Variants in ARID5B observed in about 807,000 individuals in gnomAD.
ARID5B encodes AT-rich interaction domain 5B.
A neutral mutation model predicts 97.2 loss-of-function variants in ARID5B; 13 were observed. The observed-to-expected ratio is 0.13, with a 90% CI of 0.09 to 0.21. ARID5B has a LOEUF of 0.21. ARID5B is among the 10% of genes least tolerant of loss of function. ARID5B has a pLI of 1.00. For missense variants in ARID5B, 1,210 were observed against 1,465.3 expected, an observed-to-expected ratio of 0.83 and a Z score of 2.84; for synonymous variants, 556 against 570.3, an observed-to-expected ratio of 0.97 and a Z score of 0.36.
chr10:62,050,046 A>G (rs888787139), intron 4 of ARID5B, among the ~76,000 whole-genome samples: 1 of 152,180 alleles, frequency 6.6e-6, no homozygotes, highest in South Asian at 2.1e-4. Flanking sequence ...CATAGCTCTC[A>G]ATAAACAGCA....
rs115770259 is a variant in ARID5B at position 61,999,351 on chromosome 10, G to A, written c.503-740G>A. ...AATTGTAAGCTGAAAATATCAAGTC[G>A]AAAAGGCATTGAATACACCTAACCT... On this transcript the variant is annotated intron_variant, in intron 3 of 9. Coordinates refer to ENST00000279873, the MANE Select transcript of ARID5B (RefSeq NM_032199.3). 6.1e-4 allele frequency among the ~76,000 whole-genome samples: 93 copies of A among 152,282 alleles called. 1 individual carries two copies. The highest frequency in any genetic ancestry group is 9.0e-4 in the Non-Finnish European group (61 of 68,022).
chr10:62,014,926 G>T (rs2132883937), intron 4 of ARID5B, among the ~76,000 whole-genome samples: 1 of 152,250 alleles, frequency 6.6e-6, no homozygotes, highest in African/African-American at 2.4e-5. Flanking sequence ...TGGACTGGGT[G>T]ATCTTTAAGA....
chr10:61,908,799 C>CAAAAAAAAA (rs369792859), intron 2 of ARID5B, among the ~76,000 whole-genome samples: 7 of 50,966 alleles, frequency 1.4e-4, no homozygotes, highest in East Asian at 1.3e-3. Flanking sequence ...GACTCCATCT[C>CAAAAAAAAA]AAAAAAAAAA....
chr10:62,049,174 T>A, intron 4 of ARID5B: 2 of 1,258,372 alleles, frequency 1.6e-6, no homozygotes, highest in South Asian at 4.2e-5. Context: ...ACAGGCCGGA[T>A]GAAATCACCA....
Position 62,092,271 on chromosome 10 carries a change from C to T in ARID5B, c.2808C>T (p.Gly936=). Residue 936 remains glycine, a synonymous_variant, in exon 10 of 10, where the codon GGC becomes GGT. Transcript: ENST00000279873. Reference sequence around the variant, plus strand: ...CCACAGGGCCCCAGGAGAGCAAAGGCATCTCCCAGTTCCAGGTCTTAGGCA... The same window carrying T: ...CCACAGGGCCCCAGGAGAGCAAAGGTATCTCCCAGTTCCAGGTCTTAGGCA... ...HSTTGPQESK[G]ISQFQVLGSQ... is the part of the protein sequence containing the mutation. 6.2e-7 allele frequency: 1 copy of T among 1,606,530 alleles called. No homozygotes were observed. Among genetic ancestry groups the T allele is most frequent in the Non-Finnish European group, 8.5e-7 (1 of 1,176,734 alleles).
At chr10:62,066,268 A>G (rs1440338132) in intron 7 of ARID5B, among the ~76,000 whole-genome samples, 1 of 152,166 alleles carries the variant, frequency 6.6e-6, no homozygotes, top group East Asian at 1.9e-4. Flanking sequence ...GAGAATTTAG[A>G]CATTTCTTCC....
rs570285471 is a variant in ARID5B, at chr10:62,067,219, G to A, written c.1102-2481G>A. Among the ~76,000 whole-genome samples, 7 of 152,122 alleles carry A rather than the reference G, an allele frequency of 4.6e-5. No individual in the cohort carries two copies. The South Asian group carries it at 1.5e-3, about 32-fold the overall frequency. On this transcript the variant is annotated intron_variant, in intron 7 of 9. Transcript: ENST00000279873. ...CCTGCCTCAGCATCCCGAGTAGCTG[G>A]GATTACAGGCATGCGCCACCACCCC...
rs1441491505 is a variant in ARID5B at position 62,092,649 on chromosome 10, C to T, written c.3186C>T (p.Ser1062=). 1.9e-6 allele frequency: 3 copies of T among 1,614,004 alleles called. No individual in the cohort carries two copies. In the East Asian group the frequency reaches 6.7e-5, roughly 36 times the overall value. ...GCAAAGCAGCGCACGGTGGGCATTCCGGGGGCGGATCAGAAGGCCACAAGC... is the reference window on the plus strand; with the variant it reads ...GCAAAGCAGCGCACGGTGGGCATTCTGGGGGCGGATCAGAAGGCCACAAGC... ...EGSKAAHGGH[S]GGGSEGHKLP... is the part of the protein sequence containing the mutation. Residue 1062 remains serine (S), a synonymous_variant, in exon 10 of 10, where the codon TCC becomes TCT. Coordinates refer to ENST00000279873, the MANE Select transcript of ARID5B (RefSeq NM_032199.3).
intron 3 of ARID5B, among the ~76,000 whole-genome samples, chr10:61,966,817 T>C (rs559115317): frequency 6.6e-6 from 1 of 152,212 alleles, no homozygotes; most frequent in Non-Finnish European, 1.5e-5. Flanking sequence ...ACCTTTGTCA[T>C]GTGCTTCAGT....
chr10:62,051,281 G>C (rs1257576158), intron 5 of ARID5B, among the ~76,000 whole-genome samples: 1 of 152,132 alleles, frequency 6.6e-6, no homozygotes, highest in Non-Finnish European at 1.5e-5. Flanking sequence ...AAGCACCCAC[G>C]TCATTGAGGC....
chr10:61,978,179 G>T (rs1838727184), intron 3 of ARID5B, among the ~76,000 whole-genome samples: 1 of 152,138 alleles, frequency 6.6e-6, no homozygotes, highest in Non-Finnish European at 1.5e-5. Flanking sequence ...TAGATGTGTG[G>T]TATTATTTCT....
In ARID5B at chr10:62,033,687, A is replaced by G. The variant is rs527654379; in HGVS notation, c.734-17201A>G. On this transcript the variant is annotated intron_variant, in intron 4 of 9. Coordinates refer to ENST00000279873, the MANE Select transcript of ARID5B (RefSeq NM_032199.3). ...TAATATTACTTCCACGTGTCCGTGCATATAATAGTGATAATAATGGTATTC... is the reference window on the plus strand; with the variant it reads ...TAATATTACTTCCACGTGTCCGTGCGTATAATAGTGATAATAATGGTATTC... Among the ~76,000 whole-genome samples the G allele has an allele frequency of 1.8e-4, 27 of 152,324 alleles. 1 individual carries two copies. The highest frequency in any genetic ancestry group is 3.4e-4 in the Non-Finnish European group (23 of 68,030).
At position 62,000,299 on chromosome 10, in the gene ARID5B, C is replaced by T. The variant is rs1309931019; in HGVS notation, c.711C>T (p.Asn237=). The T allele has an allele frequency of 6.2e-6, 10 of 1,611,658 alleles. No homozygotes were observed. The highest frequency in any genetic ancestry group is 4.4e-5 in the South Asian group (4 of 90,794). The change falls in exon 4 of 10, where the codon AAC becomes AAT. Residue 237 remains asparagine, a synonymous_variant. Coordinates refer to ENST00000279873, the MANE Select transcript of ARID5B (RefSeq NM_032199.3). The surrounding 1 kb of genome is among the most constrained non-coding windows in gnomAD (Gnocchi z 4.4). ...TTGACCACCCGACTCTCATAGAAAA[C>T]GAGAGTATATGCGATGAGTTTGGTG... The part of the protein sequence containing the change: ...DTFDHPTLIE[N]ESICDEFAPN...
intron 4 of ARID5B, among the ~76,000 whole-genome samples, chr10:62,022,494 G>A (rs1839369321): frequency 6.6e-6 from 1 of 152,126 alleles, no homozygotes; most frequent in Non-Finnish European, 1.5e-5. Flanking sequence ...TGGTAACCTG[G>A]GATTCAGTCG....
intron 8 of ARID5B, among the ~76,000 whole-genome samples, chr10:62,074,861 A>C (rs1473406092): frequency 6.6e-6 from 1 of 152,266 alleles, no homozygotes; most frequent in Non-Finnish European, 1.5e-5. Flanking sequence ...AGCAATTGCG[A>C]ATAAGCATTG....
At chr10:62,054,765 C>T (rs573467810) in intron 5 of ARID5B, among the ~76,000 whole-genome samples, 1 of 152,206 alleles carries the variant, frequency 6.6e-6, no homozygotes, top group African/African-American at 2.4e-5. Context: ...ATTTAAGACT[C>T]AGTCAGTTTT....
intron 3 of ARID5B, among the ~76,000 whole-genome samples, chr10:61,994,242 G>GT (rs1470780088): frequency 6.6e-6 from 1 of 151,242 alleles, no homozygotes; most frequent in African/African-American, 2.4e-5. Flanking sequence ...TGGGGCGAAG[G>GT]TTTTTTTTTA....
intron 6 of ARID5B, among the ~76,000 whole-genome samples, chr10:62,058,368 C>T (rs1007483645): frequency 6.6e-6 from 1 of 152,062 alleles, no homozygotes; most frequent in African/African-American, 2.4e-5. Context: ...TGTCAAAGAG[C>T]CTTTAAAAAT....
Position 62,092,533 on chromosome 10 carries a change from G to A in ARID5B, c.3070G>A (p.Ala1024Thr). 2 of 1,614,180 alleles carry A rather than the reference G, an allele frequency of 1.2e-6. No homozygotes were observed. The highest frequency in any genetic ancestry group is 1.7e-6 in the Non-Finnish European group (2 of 1,180,024). The change falls in exon 10 of 10, where the codon GCA becomes ACA. Residue 1024 changes from alanine (A) to threonine (T), a missense_variant. Around this residue, in one of 8 missense-constraint regions of ARID5B, gnomAD observed 800 missense variants for 839.1 expected, o/e 0.95. Transcript: ENST00000279873. ...RSLEDLDLVI[A>T]GKKARAVSPL... Reference sequence around the variant, plus strand: ...CCTGGAGGATTTGGACCTTGTGATTGCAGGGAAAAAGGCCCGGGCAGTGTC... The same window carrying A: ...CCTGGAGGATTTGGACCTTGTGATTACAGGGAAAAAGGCCCGGGCAGTGTC...
Sources: allele counts gnomAD v4.1 joint callset (sites outside exome capture counted in the v4.1 genomes callset), GRCh38; gene constraint gnomAD v4.1.1; regional missense constraint gnomAD v4.1.1; non-coding constraint Gnocchi (gnomAD v3.1); transcripts MANE v1.5; gene names NCBI Gene and HGNC (gene_info 2026-07-23, HGNC 2026-07-21).